The following GYS1 variants were observed in gnomAD, a reference collection of about 807,000 sequenced individuals.
The protein encoded by GYS1 is glycogen [starch] synthase, muscle.
A neutral mutation model predicts 89.1 loss-of-function variants in GYS1; 60 were observed. The ratio of observed to expected loss-of-function variants is 0.67; its 90% CI spans 0.55 to 0.84. The LOEUF (loss-of-function observed/expected upper bound fraction) is 0.84. Among genes scored for constraint, GYS1 ranks in the 40% least tolerant of loss-of-function variants. The pLI, the probability that GYS1 is intolerant of heterozygous loss-of-function variation, is 0.00. For missense variants in GYS1, 888 were observed against 1,003.1 expected (o/e 0.89, Z 1.55); for synonymous variants, 366 against 401.7 (o/e 0.91, Z 1.06).
intron 10 of GYS1, among the ~76,000 whole-genome samples, chr19:48,976,232 C>G (rs549885254): frequency 4.6e-4 from 70 of 152,224 alleles, no homozygotes; most frequent in African/African-American, 1.7e-3. Context: ...AAGCAGTTCA[C>G]GTTTTGTTTC....
chr19:48,973,070 C>T (rs1398298256), intron 12 of GYS1, among the ~76,000 whole-genome samples: 2 of 152,106 alleles, frequency 1.3e-5, no homozygotes, highest in African/African-American at 4.8e-5. Flanking sequence ...CCCCACGTGT[C>T]GAGGGAGGGA....
chr19:48,978,328 C>T (rs926828409), intron 8 of GYS1, 171 bp from the exon 9 acceptor site: 35 of 658,704 alleles, frequency 5.3e-5, no homozygotes, highest in Non-Finnish European at 9.4e-5. Flanking sequence ...CAGGTTCAAG[C>T]AATTCTCCTG....
intron 5 of GYS1, among the ~76,000 whole-genome samples, chr19:48,984,166 C>A (rs1406849946): frequency 6.6e-6 from 1 of 151,300 alleles, no homozygotes; most frequent in Non-Finnish European, 1.5e-5. Flanking sequence ...GCCACCATGC[C>A]CACCTAATTT....
At position 48,969,331 on chromosome 19, in the gene GYS1, T is replaced by C; in HGVS notation, c.2171A>G (p.Glu724Gly). ...ATSSSLSTPSEPLSPTSSLGE... is the reference protein window; with the variant it reads ...ATSSSLSTPSGPLSPTSSLGE... ...CAGGGAGCTGGTGGGGCTGAGGGGC[T>C]CGCTCGGGGTGCTGAGTGAGCTGGA... Residue 724 changes from glutamate (E) to glycine (G), a missense_variant, in exon 16 of 16, where the codon GAG becomes GGG. Glu to Gly is a moderately conservative substitution (Grantham distance 98, BLOSUM62 -2). Transcript: ENST00000323798. The C allele has an allele frequency of 6.3e-7, 1 of 1,583,512 alleles. No homozygotes were observed. The highest frequency in any genetic ancestry group is 8.5e-7 in the Non-Finnish European group (1 of 1,171,140).
chr19:48,975,000 G>A (rs939400721), intron 10 of GYS1, among the ~76,000 whole-genome samples: 5 of 151,996 alleles, frequency 3.3e-5, no homozygotes, highest in Admixed American at 6.6e-5. Flanking sequence ...GCACAATCTC[G>A]GCTCACTGCA....
Position 48,970,949 on chromosome 19 carries a change from T to C in GYS1, c.1624A>G (p.Ile542Val), listed in dbSNP as rs768029465. Residue 542 changes from isoleucine (I) to valine (V), a missense_variant, in exon 13 of 16, where the codon ATC becomes GTC. By Grantham distance (29) the Ile-to-Val change is conservative. Transcript: ENST00000323798. Reference sequence around the variant, plus strand: ...TGACCGTAAGCTGAGGGGTCTGCGATGTGTTCCTCCATGAAGCAGCCGAAG... The same window carrying C: ...TGACCGTAAGCTGAGGGGTCTGCGACGTGTTCCTCCATGAAGCAGCCGAAG... ...SGFGCFMEEH[I>V]ADPSAYGIYI... 1.2e-6 allele frequency: 2 copies of C among 1,613,564 alleles called. No homozygotes were observed. Among genetic ancestry groups the C allele is most frequent in the Non-Finnish European group, 1.7e-6 (2 of 1,179,588 alleles).
At chr19:48,987,022 G>C (rs1353449033) in intron 3 of GYS1, among the ~76,000 whole-genome samples, 172 bp downstream of exon 3, 1 of 152,204 alleles carries the variant, frequency 6.6e-6, no homozygotes, top group East Asian at 1.9e-4. Context: ...AGTTGGCATC[G>C]AGAGTAGAGC....
At chr19:48,984,561 A>G (rs544696685) in intron 5 of GYS1, among the ~76,000 whole-genome samples, 2 of 151,238 alleles carry the variant, frequency 1.3e-5, no homozygotes, top group South Asian at 4.2e-4. Flanking sequence ...ACGCCCGGCT[A>G]ATTTTTGTAT....
intron 8 of GYS1, among the ~76,000 whole-genome samples, chr19:48,980,221 T>C (rs2038737745): frequency 6.6e-6 from 1 of 152,186 alleles, no homozygotes; most frequent in South Asian, 2.1e-4. Flanking sequence ...GCTTGCTCCC[T>C]CGTCACCTTT....
Position 48,969,433 on chromosome 19 carries a change from G to T in GYS1, c.2069C>A (p.Ala690Glu). Residue 690 changes from alanine to glutamate, a missense_variant, in exon 16 of 16, where the codon GCA (alanine) becomes GAA (glutamate). Transcript: ENST00000323798. ...GGACGCTCGGCGCGGCCACTCTGGT[G>T]CACGGATGTTGCGCCGGTCCTTGGC... is the stretch of plus-strand genomic sequence containing the variant. Reference protein sequence around the residue: ...EAAKDRRNIRAPEWPRRASCT... With the variant: ...EAAKDRRNIREPEWPRRASCT... 1 of 1,546,032 alleles carries T rather than the reference G, an allele frequency of 6.5e-7. No homozygotes were observed.
chr19:48,983,819 A>AG (rs1339882079), intron 5 of GYS1, among the ~76,000 whole-genome samples: 1 of 152,132 alleles, frequency 6.6e-6, no homozygotes, highest in Non-Finnish European at 1.5e-5. Flanking sequence ...ACAGAATTTT[A>AG]TCATATCTGA....
intron 6 of GYS1, 76 bp downstream of exon 6, chr19:48,982,644 G>T: frequency 9.0e-7 from 1 of 1,105,920 alleles, no homozygotes; most frequent in Non-Finnish European, 1.4e-6. Flanking sequence ...GCCCCCAGCT[G>T]CCCCCTCCCC....
At chr19:48,971,169 G>T (rs1600131033) in intron 12 of GYS1, 146 bp from the exon 13 acceptor site, 1 of 709,112 alleles carries the variant, frequency 1.4e-6, no homozygotes, top group East Asian at 2.7e-5. Flanking sequence ...CCACAACCAG[G>T]CTGTGCATTT....
intron 7 of GYS1, 61 bp from the exon 8 acceptor site, chr19:48,981,697 G>T: frequency 9.2e-7 from 1 of 1,083,752 alleles, no homozygotes; most frequent in Non-Finnish European, 1.4e-6. Flanking sequence ...GAACCAGCCA[G>T]CCTTTCTGTC....
chr19:48,974,373 C>T (rs773388347), intron 11 of GYS1, 34 bp from the exon 12 acceptor site: 2 of 1,612,474 alleles, frequency 1.2e-6, no homozygotes, highest in Non-Finnish European at 1.7e-6. Context: ...AGCCCAAGTG[C>T]CTTATTTAGC....
rs2038555927 is a variant in GYS1, at chr19:48,970,979, A to T, written c.1594T>A (p.Ser532Thr). 1 of 1,613,720 alleles carries T rather than the reference A, an allele frequency of 6.2e-7. No homozygotes were observed. The highest frequency in any genetic ancestry group is 1.7e-5 in the Admixed American group (1 of 59,996). Residue 532 changes from serine (S) to threonine (T), a missense_variant, in exon 13 of 16, where the codon TCC becomes ACC. Coordinates refer to ENST00000323798, the MANE Select transcript of GYS1 (RefSeq NM_002103.5). ...TCCTCCATGAAGCAGCCGAAGCCGG[A>T]GAGATTGGTGGAGATACTGGGGATT... The part of the protein sequence containing the change: ...MGIPSISTNL[S>T]GFGCFMEEHI...
chr19:48,970,983 AT>A lies in GYS1; in HGVS notation c.1589del (p.Asn530IlefsTer72). 6.2e-7 allele frequency: 1 copy of A among 1,613,942 alleles called. No homozygotes were observed. Among genetic ancestry groups the A allele is most frequent in the East Asian group, 2.2e-5 (1 of 44,860 alleles). On this transcript the variant is annotated frameshift_variant, in exon 13 of 16. Coordinates refer to ENST00000323798, the MANE Select transcript of GYS1 (RefSeq NM_002103.5). LOFTEE classifies it high-confidence loss of function. ...TVMGIPSIST[N>X]LSGFGCFMEE... ...CCATGAAGCAGCCGAAGCCGGAGAG[AT>A]TGGTGGAGATACTGGGGATTCCCAT...
intron 7 of GYS1, among the ~76,000 whole-genome samples, chr19:48,982,016 C>G (rs1249305242): frequency 1.3e-5 from 2 of 152,156 alleles, no homozygotes; most frequent in Non-Finnish European, 1.5e-5. Context: ...GTTCACCCTC[C>G]CGAGTAGCTG....
In GYS1 at chr19:48,979,635, C is replaced by G. The variant is rs528210149; in HGVS notation, c.1170-1478G>C. ...TACAGGTGTGAGCCACCGCGCCCAG[C>G]CTCTTTCTTTCTTTTTTTTTTTTTT... is the stretch of plus-strand genomic sequence containing the variant. On this transcript the variant is annotated intron_variant, in intron 8 of 15. Transcript: ENST00000323798. Among the ~76,000 whole-genome samples the G allele has an allele frequency of 1.1e-4, 16 of 141,254 alleles. No homozygotes were observed. In the South Asian group the frequency reaches 3.6e-3, roughly 32 times the overall value. The allele number at this position is 141,254 out of a possible 152,430, so 92.7% of individuals were successfully genotyped here.
Sources: allele counts gnomAD v4.1 joint callset (sites outside exome capture counted in the v4.1 genomes callset), GRCh38; gene constraint gnomAD v4.1.1; transcripts MANE v1.5; gene names NCBI Gene and HGNC (gene_info 2026-07-23, HGNC 2026-07-21).